Variants in FOXN3 observed in about 807,000 individuals in gnomAD.
The protein encoded by FOXN3 is forkhead box protein N3.
A neutral mutation model predicts 38.4 loss-of-function variants in FOXN3; 7 were observed. The ratio of observed to expected loss-of-function variants is 0.18; its 90% CI spans 0.10 to 0.34. The LOEUF (loss-of-function observed/expected upper bound fraction) is 0.34. Among genes scored for constraint, FOXN3 ranks in the 10% least tolerant of loss-of-function variants. FOXN3 has a pLI of 1.00. For missense variants in FOXN3, 456 were observed against 613.4 expected (o/e 0.74, Z 2.71); for synonymous variants, 230 against 242.2 (o/e 0.95, Z 0.47).
At chr14:89,615,736 C>T (rs1166462629) in intron 1 of FOXN3, among the ~76,000 whole-genome samples, 2 of 152,138 alleles carry the variant, frequency 1.3e-5, no homozygotes, top group Non-Finnish European at 2.9e-5. Context: ...TCTTCTTTAC[C>T]AAGTCCTAAT....
chr14:89,590,055 G>A (rs1480722869), intron 1 of FOXN3, among the ~76,000 whole-genome samples: 1 of 152,154 alleles, frequency 6.6e-6, no homozygotes, highest in Non-Finnish European at 1.5e-5. Flanking sequence ...AAAGGAGAAG[G>A]AACCTACTAA....
intron 4 of FOXN3, among the ~76,000 whole-genome samples, chr14:89,250,626 G>A (rs1467415377): frequency 6.6e-6 from 1 of 152,226 alleles, no homozygotes; most frequent in Non-Finnish European, 1.5e-5. Flanking sequence ...CATGGGGAAT[G>A]GCACATTCTA....
At chr14:89,237,606 T>TAC (rs1885017721) in intron 4 of FOXN3, among the ~76,000 whole-genome samples, 2 of 152,346 alleles carry the variant, frequency 1.3e-5, no homozygotes, top group South Asian at 4.1e-4. Flanking sequence ...GCATAATGGG[T>TAC]ACACAGGCTC....
intron 1 of FOXN3, among the ~76,000 whole-genome samples, chr14:89,524,098 G>A (rs1230515390): frequency 6.8e-6 from 1 of 148,084 alleles, no homozygotes; most frequent in African/African-American, 2.5e-5. Context: ...ACTAGAGCTG[G>A]GCACGGTGGC....
chr14:89,490,254 CCT>C (rs1442229273), intron 1 of FOXN3, among the ~76,000 whole-genome samples: 1 of 152,198 alleles, frequency 6.6e-6, no homozygotes, highest in Non-Finnish European at 1.5e-5. Flanking sequence ...TCCTGGTTCC[CCT>C]GAGCTCAACT....
intron 1 of FOXN3, among the ~76,000 whole-genome samples, chr14:89,555,838 GGTGTGTGTGTGTGT>G (rs201016882): frequency 0.098 from 8,816 of 89,682 alleles, 1,018 homozygotes; most frequent in African/African-American, 0.25. Flanking sequence ...TCTAGTTCAT[GGTGTGTGTGTGTGT>G]GTGTGTGTGT....
chr14:89,295,392 C>A (rs913361173), intron 3 of FOXN3, among the ~76,000 whole-genome samples: 4 of 152,226 alleles, frequency 2.6e-5, no homozygotes, highest in Admixed American at 2.0e-4. Context: ...CTTTAACCCA[C>A]AGGTATGTGT....
At chr14:89,329,967 G>A (rs17125700) in intron 3 of FOXN3, among the ~76,000 whole-genome samples, 25,702 of 151,236 alleles carry the variant, frequency 0.17, 2,273 homozygotes, top group South Asian at 0.19. Flanking sequence ...CTATGCTAAC[G>A]GTTTCAAGAT....
chr14:89,382,375 T>TAG (rs1890672888), intron 2 of FOXN3, among the ~76,000 whole-genome samples: 2 of 152,102 alleles, frequency 1.3e-5, no homozygotes, highest in African/African-American at 2.4e-5. Flanking sequence ...TGTTCCCCAG[T>TAG]AGAGACACAA....
chr14:89,335,077 T>TCACACACA (rs72014136), intron 3 of FOXN3, among the ~76,000 whole-genome samples: 3,285 of 139,246 alleles, frequency 0.024, 61 homozygotes, highest in Non-Finnish European at 0.032. Context: ...TATTTTCATA[T>TCACACACA]CACACACACA....
intron 2 of FOXN3, among the ~76,000 whole-genome samples, chr14:89,354,447 A>C (rs1475095899): frequency 6.6e-6 from 1 of 150,786 alleles, no homozygotes; most frequent in Non-Finnish European, 1.5e-5. Flanking sequence ...GCTGGTCTCA[A>C]ACTCCTAACC....
chr14:89,450,007 T>C (rs1892583234), intron 1 of FOXN3, among the ~76,000 whole-genome samples: 2 of 152,236 alleles, frequency 1.3e-5, no homozygotes, highest in African/African-American at 4.8e-5. Flanking sequence ...CAAGCCGCAC[T>C]GGTCAAGCCA....
intron 3 of FOXN3, among the ~76,000 whole-genome samples, chr14:89,331,582 C>T (rs1888249224): frequency 6.6e-6 from 1 of 152,188 alleles, no homozygotes; most frequent in South Asian, 2.1e-4. Context: ...ACTAACTCCC[C>T]GTGTGATCTT....
intron 4 of FOXN3, 52 bp downstream of exon 4, chr14:89,280,898 A>G (rs1295862645): frequency 2.0e-6 from 3 of 1,503,762 alleles, no homozygotes; most frequent in Non-Finnish European, 2.8e-6. Flanking sequence ...GGAGTGATGA[A>G]AGGCGGGTGG....
At chr14:89,465,262 G>C (rs1357096466) in intron 1 of FOXN3, among the ~76,000 whole-genome samples, 1 of 152,032 alleles carries the variant, frequency 6.6e-6, no homozygotes, top group Non-Finnish European at 1.5e-5. Flanking sequence ...ACAGAGTCTT[G>C]CTCTGTTGCC....
intron 1 of FOXN3, among the ~76,000 whole-genome samples, chr14:89,510,732 A>G (rs1894039799): frequency 6.6e-6 from 1 of 152,194 alleles, no homozygotes; most frequent in Non-Finnish European, 1.5e-5. Flanking sequence ...ACTTGAGGTC[A>G]AGAGTTCAAG....
chr14:89,374,559 G>A (rs1326397121), intron 2 of FOXN3, among the ~76,000 whole-genome samples: 1 of 151,914 alleles, frequency 6.6e-6, no homozygotes, highest in Non-Finnish European at 1.5e-5. Context: ...GACAAATTAT[G>A]GTATGTTCAT....
At chr14:89,556,523 T>C (rs1201344554) in intron 1 of FOXN3, among the ~76,000 whole-genome samples, 1 of 152,076 alleles carries the variant, frequency 6.6e-6, no homozygotes, top group Non-Finnish European at 1.5e-5. Flanking sequence ...ACTATCTGCA[T>C]ACCTACCCCT....
At chr14:89,425,046 T>C (rs1281410400) in intron 1 of FOXN3, among the ~76,000 whole-genome samples, 1 of 136,584 alleles carries the variant, frequency 7.3e-6, no homozygotes, top group Non-Finnish European at 1.6e-5. Flanking sequence ...TGTTGTGTTT[T>C]GTTTTGTTTT....
Sources: allele counts gnomAD v4.1 joint callset (sites outside exome capture counted in the v4.1 genomes callset), GRCh38; gene constraint gnomAD v4.1.1; transcripts MANE v1.5; gene names NCBI Gene and HGNC (gene_info 2026-07-23, HGNC 2026-07-21).